The following EFCAB11 variants were observed in gnomAD, a reference collection of about 807,000 sequenced individuals.
The protein encoded by EFCAB11 is EF-hand calcium-binding domain-containing protein 11.
EFCAB11 carries 14 observed loss-of-function variants against 23.0 expected under a neutral mutation model. The ratio of observed to expected loss-of-function variants is 0.61; its 90% CI spans 0.40 to 0.95. EFCAB11 has a LOEUF of 0.95. Ranked by LOEUF, EFCAB11 falls within the 40% of genes least tolerant of loss-of-function variation. The pLI is 0.00. For synonymous variants in EFCAB11, 65 were observed against 66.6 expected (o/e 0.98, Z 0.11); for missense variants, 198 against 195.8 (o/e 1.01, Z -0.07).
intron 5 of EFCAB11, among the ~76,000 whole-genome samples, chr14:89,844,865 C>T (rs974311920): frequency 6.6e-6 from 1 of 152,124 alleles, no homozygotes; most frequent in Non-Finnish European, 1.5e-5. Flanking sequence ...AAGGTAAACC[C>T]TCCTTGGTGT....
intron 5 of EFCAB11, among the ~76,000 whole-genome samples, chr14:89,818,790 G>A (rs1024167134): frequency 3.9e-5 from 6 of 152,170 alleles, no homozygotes; most frequent in African/African-American, 9.7e-5. Flanking sequence ...AACGTCATTA[G>A]TCATTACAAA....
intron 5 of EFCAB11, among the ~76,000 whole-genome samples, chr14:89,805,794 C>G (rs1344887306): frequency 6.6e-6 from 1 of 152,094 alleles, no homozygotes; most frequent in Non-Finnish European, 1.5e-5. Context: ...ATGAAAGCAT[C>G]CTGACATACA....
intron 5 of EFCAB11, chr14:89,837,091 T>C (rs12437204): frequency 2.2e-6 from 1 of 456,068 alleles, no homozygotes; most frequent in Non-Finnish European, 4.4e-6. Context: ...AGGAGGGGTT[T>C]TTAGACTTCT....
chr14:89,909,503 C>T (rs558148152), intron 5 of EFCAB11, among the ~76,000 whole-genome samples: 1 of 128,938 alleles, frequency 7.8e-6, no homozygotes, highest in Admixed American at 7.5e-5. Flanking sequence ...TAGCTTGAAG[C>T]CGGGGGGGCG....
At chr14:89,851,723 A>G (rs891295401) in intron 5 of EFCAB11, among the ~76,000 whole-genome samples, 8 of 152,244 alleles carry the variant, frequency 5.3e-5, no homozygotes, top group African/African-American at 1.9e-4. Context: ...CTATATTCCA[A>G]AATGAAATTT....
At chr14:89,907,913 G>A (rs1242265987) in intron 5 of EFCAB11, among the ~76,000 whole-genome samples, 1 of 152,160 alleles carries the variant, frequency 6.6e-6, no homozygotes, top group Non-Finnish European at 1.5e-5. Context: ...GCCACCTCAT[G>A]GGGTCGTTGT....
chr14:89,857,269 G>T (rs1035199863), intron 5 of EFCAB11, among the ~76,000 whole-genome samples: 3 of 152,194 alleles, frequency 2.0e-5, no homozygotes, highest in African/African-American at 7.2e-5. Flanking sequence ...ATTCAAAGAC[G>T]CATTTCACAG....
intron 5 of EFCAB11, chr14:89,829,891 C>A (rs757459803): frequency 5.3e-5 from 8 of 151,968 alleles, no homozygotes; most frequent in Non-Finnish European, 8.8e-5. Context: ...ATTTATTTCA[C>A]CAAAAGATAA....
At chr14:89,952,573 C>T (rs1409951175) in intron 2 of EFCAB11, 4 of 985,370 alleles carry the variant, frequency 4.1e-6, no homozygotes, top group South Asian at 4.7e-5. Context: ...CCCCTCATAG[C>T]TGAGCCACTC....
intron 5 of EFCAB11, among the ~76,000 whole-genome samples, chr14:89,883,575 G>A (rs1888664282): frequency 6.6e-6 from 1 of 152,022 alleles, no homozygotes; most frequent in Non-Finnish European, 1.5e-5. Context: ...TATTGTTTAG[G>A]AAATAATGAC....
At chr14:89,850,689 G>A (rs8009341) in intron 5 of EFCAB11, among the ~76,000 whole-genome samples, 99,553 of 152,058 alleles carry the variant, frequency 0.65, 34,364 homozygotes, top group Non-Finnish European at 0.79. Flanking sequence ...TGTATGAATT[G>A]ATGAATCAAT....
At chr14:89,846,470 C>T (rs1439832431) in intron 5 of EFCAB11, among the ~76,000 whole-genome samples, 1 of 152,156 alleles carries the variant, frequency 6.6e-6, no homozygotes, top group Non-Finnish European at 1.5e-5. Context: ...AAAAGGATAC[C>T]AGTGCAAAGA....
At chr14:89,834,442 T>G (rs973278856) in intron 5 of EFCAB11, among the ~76,000 whole-genome samples, 1 of 151,118 alleles carries the variant, frequency 6.6e-6, no homozygotes, top group Non-Finnish European at 1.5e-5. Flanking sequence ...TGAGTCTACT[T>G]GCAACCGGCA....
At chr14:89,822,890 A>G (rs1029159281) in intron 5 of EFCAB11, among the ~76,000 whole-genome samples, 4 of 152,238 alleles carry the variant, frequency 2.6e-5, no homozygotes, top group African/African-American at 9.6e-5. Flanking sequence ...GAAAATATCA[A>G]GCTGATTTGC....
intron 5 of EFCAB11, among the ~76,000 whole-genome samples, chr14:89,822,235 A>G (rs1886545592): frequency 6.6e-6 from 1 of 152,244 alleles, no homozygotes; most frequent in Non-Finnish European, 1.5e-5. Context: ...TCTCAAAATG[A>G]GCAAGTGTGG....
At chr14:89,849,602 A>G (rs1887537618) in intron 5 of EFCAB11, among the ~76,000 whole-genome samples, 1 of 117,280 alleles carries the variant, frequency 8.5e-6, no homozygotes, top group Admixed American at 1.1e-4. Flanking sequence ...TAACAAGGAA[A>G]TCTGTTTTTT....
At chr14:89,850,572 T>C (rs1007362286) in intron 5 of EFCAB11, among the ~76,000 whole-genome samples, 15 of 152,218 alleles carry the variant, frequency 9.9e-5, no homozygotes, top group Admixed American at 3.3e-4. Flanking sequence ...GATGAACTAA[T>C]AGATGATTAA....
At chr14:89,917,309 G>A (rs543199510) in intron 5 of EFCAB11, among the ~76,000 whole-genome samples, 2 of 152,188 alleles carry the variant, frequency 1.3e-5, no homozygotes, top group African/African-American at 4.8e-5. Context: ...AGTTTGACTA[G>A]TTTAGATGTC....
Position 89,797,175 on chromosome 14 carries a change from T to C in EFCAB11, c.*68A>G, listed in dbSNP as rs1032970681. ...CAAGTCTGTAGCATGACATCATTAG[T>C]AGAGTCGAGTCTGCTGACATTACAA... On this transcript the variant is annotated 3_prime_UTR_variant, in exon 6 of 6. Transcript: ENST00000316738. 1.4e-5 allele frequency: 20 copies of C among 1,408,504 alleles called. No homozygotes were observed. Among genetic ancestry groups the C allele is most frequent in the Admixed American group, 9.3e-5 (5 of 53,656 alleles). 87.3% of individuals were successfully genotyped at this position (1,408,504 alleles called of 1,614,324 possible). A position where few individuals can be genotyped will look rare whatever the true frequency, so the allele number is the denominator to read the frequency against.
Sources: gnomAD v4.1 joint callset for allele counts (sites outside exome capture counted in the v4.1 genomes callset) on GRCh38, gnomAD v4.1.1 for gene constraint, MANE v1.5 for transcripts, NCBI Gene and HGNC (gene_info 2026-07-23, HGNC 2026-07-21) for gene names.